Variants in SPAG16 observed in about 807,000 individuals in gnomAD.
SPAG16 encodes sperm associated antigen 16, also known as sperm-associated antigen 16 protein.
A neutral mutation model predicts 80.4 loss-of-function variants in SPAG16; 86 were observed. The ratio of observed to expected loss-of-function variants is 1.07; its 90% CI spans 0.90 to 1.28. SPAG16 has a LOEUF of 1.28. Ranked by LOEUF, SPAG16 falls within the 50% of genes most tolerant of loss-of-function variation. SPAG16 has a pLI of 0.00. For synonymous variants in SPAG16, 294 were observed against 265.9 expected (o/e 1.11, Z -1.03); for missense variants, 870 against 765.3 (o/e 1.14, Z -1.61).
intron 11 of SPAG16, among the ~76,000 whole-genome samples, chr2:213,921,296 G>T (rs1259695476): frequency 6.6e-6 from 1 of 152,152 alleles, no homozygotes. Context: ...GTCTTTGTTG[G>T]TTTAAAGTCT....
At chr2:214,070,516 A>AT (rs987035493) in intron 13 of SPAG16, among the ~76,000 whole-genome samples, 2 of 151,672 alleles carry the variant, frequency 1.3e-5, no homozygotes, top group Admixed American at 6.6e-5. Context: ...TACAAAAGCA[A>AT]TTTTTTTTCT....
chr2:213,833,587 T>TTA (rs1237774531), intron 10 of SPAG16, among the ~76,000 whole-genome samples: 5 of 51,516 alleles, frequency 9.7e-5, no homozygotes, highest in Admixed American at 7.5e-4. Flanking sequence ...AATATATATA[T>TTA]TATATATATA....
chr2:213,793,280 T>C (rs893161018), intron 10 of SPAG16, among the ~76,000 whole-genome samples: 1 of 152,052 alleles, frequency 6.6e-6, no homozygotes, highest in Non-Finnish European at 1.5e-5. Flanking sequence ...GTCAATATTT[T>C]GTTATTCCTA....
At chr2:213,726,284 C>T (rs2066766606) in intron 10 of SPAG16, among the ~76,000 whole-genome samples, 1 of 152,214 alleles carries the variant, frequency 6.6e-6, no homozygotes. Context: ...ATGTGTCCTG[C>T]ACTGCAGAGG....
At chr2:213,461,902 A>G (rs1055080806) in intron 9 of SPAG16, among the ~76,000 whole-genome samples, 3 of 150,774 alleles carry the variant, frequency 2.0e-5, no homozygotes, top group Non-Finnish European at 4.5e-5. Context: ...GTGTATGTGT[A>G]TGTGTGTGTG....
At chr2:214,114,504 A>G (rs1456906146) in intron 14 of SPAG16, among the ~76,000 whole-genome samples, 1 of 152,132 alleles carries the variant, frequency 6.6e-6, no homozygotes, top group African/African-American at 2.4e-5. Context: ...AGCCTCAGCA[A>G]TGGTGGATGC....
chr2:214,393,770 G>A (rs1161273179), intron 15 of SPAG16, among the ~76,000 whole-genome samples: 1 of 151,984 alleles, frequency 6.6e-6, no homozygotes, highest in Non-Finnish European at 1.5e-5. Context: ...AGTAATGAAG[G>A]TATTAATTTC....
chr2:213,457,898 G>T (rs1182709607), intron 9 of SPAG16, among the ~76,000 whole-genome samples: 8 of 142,830 alleles, frequency 5.6e-5, no homozygotes, highest in Admixed American at 6.9e-5. Flanking sequence ...TTCCTTCCTT[G>T]GCCTTTTTGA....
intron 10 of SPAG16, among the ~76,000 whole-genome samples, chr2:213,697,326 T>A (rs2065197864): frequency 6.6e-6 from 1 of 152,152 alleles, no homozygotes; most frequent in Non-Finnish European, 1.5e-5. Context: ...TGCAGAGTAT[T>A]AGAGAATGCC....
At chr2:213,468,140 T>G (rs2072810799) in intron 9 of SPAG16, among the ~76,000 whole-genome samples, 1 of 151,986 alleles carries the variant, frequency 6.6e-6, no homozygotes, top group Non-Finnish European at 1.5e-5. Context: ...TCAAATGAAT[T>G]AGGGGATAGA....
intron 15 of SPAG16, among the ~76,000 whole-genome samples, chr2:214,230,801 C>A (rs1430834376): frequency 6.6e-6 from 1 of 151,746 alleles, no homozygotes; most frequent in Non-Finnish European, 1.5e-5. Flanking sequence ...AATGGGGAGG[C>A]AATGAGGAGG....
chr2:214,374,490 C>T (rs145685075), intron 15 of SPAG16, among the ~76,000 whole-genome samples: 1 of 152,204 alleles, frequency 6.6e-6, no homozygotes, highest in East Asian at 1.9e-4. Context: ...CCTTTACCAG[C>T]TGATACCTCT....
chr2:213,718,142 A>G (rs1388457749), intron 10 of SPAG16, among the ~76,000 whole-genome samples: 9 of 140,384 alleles, frequency 6.4e-5, no homozygotes, highest in Non-Finnish European at 1.4e-4. Context: ...GAACTTAAAC[A>G]AGTTTACAAA....
intron 10 of SPAG16, among the ~76,000 whole-genome samples, chr2:213,838,042 T>A (rs929155081): frequency 2.0e-5 from 3 of 152,138 alleles, no homozygotes; most frequent in African/African-American, 7.2e-5. Context: ...TCATCAGTGT[T>A]TTGCTGCCGT....
intron 15 of SPAG16, among the ~76,000 whole-genome samples, chr2:214,250,653 TTATA>T (rs921948386): frequency 7.1e-6 from 1 of 140,456 alleles, no homozygotes; most frequent in Non-Finnish European, 1.6e-5. Context: ...ATATTTCTAT[TTATA>T]TATTATATAT....
In SPAG16 at chr2:213,994,840, TA is replaced by T. The variant is rs142289722; in HGVS notation, c.1401-19109del. Among the ~76,000 whole-genome samples the T allele has an allele frequency of 9.2e-3, 1,395 of 152,328 alleles. 42 individuals are homozygous for T. Among genetic ancestry groups the T allele is most frequent in the East Asian group, 0.089 (463 of 5,184 alleles). ...AAGACAGGCAATTCAGTTAATCATA[TA>T]ATTTAAAGGTTATTGCAAGGTCTTG... On this transcript the variant is annotated intron_variant, in intron 12 of 15. Coordinates refer to ENST00000331683, the MANE Select transcript of SPAG16 (RefSeq NM_024532.5).
chr2:214,003,017 G>C (rs1271032919), intron 12 of SPAG16, among the ~76,000 whole-genome samples: 1 of 152,050 alleles, frequency 6.6e-6, no homozygotes. Flanking sequence ...AATAATAAAG[G>C]CCTCGATATG....
intron 11 of SPAG16, among the ~76,000 whole-genome samples, chr2:213,929,084 G>A (rs2078635231): frequency 7.5e-6 from 1 of 133,104 alleles, no homozygotes; most frequent in African/African-American, 2.9e-5. Context: ...TGCGATCTGG[G>A]CTCACTGAAA....
chr2:213,587,438 C>G (rs2060512051), intron 10 of SPAG16, among the ~76,000 whole-genome samples: 1 of 152,292 alleles, frequency 6.6e-6, no homozygotes, highest in Middle Eastern at 3.4e-3. Context: ...TGAGGTGGTG[C>G]TGGGCAGCCC....
Sources: gnomAD v4.1 joint callset for allele counts (sites outside exome capture counted in the v4.1 genomes callset) on GRCh38, gnomAD v4.1.1 for gene constraint, MANE v1.5 for transcripts, NCBI Gene and HGNC (gene_info 2026-07-23, HGNC 2026-07-21) for gene names.